RAB31: variants seen among roughly 807,000 people sequenced by gnomAD.
RAB31 encodes the protein ras-related protein Rab-31.
Under a neutral mutation model 25.6 loss-of-function variants are expected in RAB31, and 21 were observed. The ratio of observed to expected loss-of-function variants is 0.82; its 90% CI spans 0.58 to 1.18. The LOEUF (loss-of-function observed/expected upper bound fraction) is 1.18. RAB31 is among the 50% of genes most tolerant of loss of function. The pLI is 0.00. For synonymous variants in RAB31, 87 were observed against 84.0 expected, an observed-to-expected ratio of 1.04 and a Z score of -0.20; for missense variants, 196 against 250.1, an observed-to-expected ratio of 0.78 and a Z score of 1.46.
intron 2 of RAB31, among the ~76,000 whole-genome samples, chr18:9,777,372 T>C (rs2068377522): frequency 6.6e-6 from 1 of 152,154 alleles, no homozygotes; most frequent in Admixed American, 6.5e-5. Flanking sequence ...AAAATAATTC[T>C]GGTACCAAAC....
chr18:9,722,144 T>C (rs1224164698), intron 1 of RAB31, among the ~76,000 whole-genome samples: 1 of 152,032 alleles, frequency 6.6e-6, no homozygotes, highest in East Asian at 1.9e-4. Flanking sequence ...TCAGGCGCGG[T>C]CTTGCGGGCT....
intron 6 of RAB31, among the ~76,000 whole-genome samples, chr18:9,855,322 T>C (rs2068810316): frequency 1.3e-5 from 2 of 152,088 alleles, no homozygotes; most frequent in African/African-American, 4.8e-5. Flanking sequence ...AAATAAACAC[T>C]CTGGCCTCAA....
intron 1 of RAB31, chr18:9,726,208 C>T (rs1225870084): frequency 6.6e-6 from 1 of 152,220 alleles, no homozygotes; most frequent in East Asian, 1.9e-4. Context: ...TTTTTAAGCA[C>T]TATAAATTGG....
intron 2 of RAB31, among the ~76,000 whole-genome samples, chr18:9,778,225 A>G (rs2068383445): frequency 6.6e-6 from 1 of 152,142 alleles, no homozygotes; most frequent in African/African-American, 2.4e-5. Flanking sequence ...GTGCCAGCCC[A>G]GATTAAAGGG....
chr18:9,719,749 T>G (rs796625633), intron 1 of RAB31, among the ~76,000 whole-genome samples: 16 of 152,218 alleles, frequency 1.1e-4, no homozygotes, highest in African/African-American at 3.9e-4. Flanking sequence ...ATTTTCTTAT[T>G]CTCTCCACTT....
chr18:9,851,440 G>T (rs1315358467), intron 6 of RAB31, among the ~76,000 whole-genome samples: 1 of 152,144 alleles, frequency 6.6e-6, no homozygotes, highest in East Asian at 1.9e-4. Flanking sequence ...TATATACTTA[G>T]CTCATTAATG....
At chr18:9,739,371 C>T (rs1466448743) in intron 1 of RAB31, among the ~76,000 whole-genome samples, 2 of 152,088 alleles carry the variant, frequency 1.3e-5, no homozygotes, top group Non-Finnish European at 1.5e-5. Flanking sequence ...ACTCAGGAGG[C>T]TGAGGCAGGA....
At chr18:9,748,045 C>T (rs952148340) in intron 1 of RAB31, among the ~76,000 whole-genome samples, 16 of 152,190 alleles carry the variant, frequency 1.1e-4, no homozygotes, top group East Asian at 1.9e-4. Context: ...TGCACAATTT[C>T]GATGAGTTTC....
At chr18:9,725,044 C>T (rs965520093) in intron 1 of RAB31, among the ~76,000 whole-genome samples, 2 of 152,174 alleles carry the variant, frequency 1.3e-5, no homozygotes, top group African/African-American at 4.8e-5. Context: ...AGTGGCCCCT[C>T]TACCTGGGTA....
At chr18:9,781,132 A>G (rs894659857) in intron 2 of RAB31, among the ~76,000 whole-genome samples, 22 of 149,938 alleles carry the variant, frequency 1.5e-4, no homozygotes, top group African/African-American at 4.9e-4. Flanking sequence ...CGGAAAGGTT[A>G]TCTCTGTACC....
chr18:9,776,364 C>G (rs1408799723), intron 2 of RAB31, among the ~76,000 whole-genome samples: 1 of 152,078 alleles, frequency 6.6e-6, no homozygotes, highest in Admixed American at 6.6e-5. Context: ...TTTGGGAAAC[C>G]TGTAGGATTG....
chr18:9,780,011 CA>C (rs529843127), intron 2 of RAB31, among the ~76,000 whole-genome samples: 1 of 151,768 alleles, frequency 6.6e-6, no homozygotes, highest in African/African-American at 2.4e-5. Flanking sequence ...TTGGTCTCTA[CA>C]AAAAAATACA....
At chr18:9,761,543 G>A (rs963580982) in intron 1 of RAB31, among the ~76,000 whole-genome samples, 1 of 152,196 alleles carries the variant, frequency 6.6e-6, no homozygotes, top group South Asian at 2.1e-4. Context: ...AGGTCCTCGG[G>A]CTGGGGGATC....
intron 1 of RAB31, among the ~76,000 whole-genome samples, chr18:9,749,334 C>CGGAACAGAG (rs200608397): frequency 3.1e-5 from 4 of 131,000 alleles, no homozygotes; most frequent in Non-Finnish European, 3.3e-5. Flanking sequence ...CCCCATTTTA[C>CGGAACAGAG]GGAACAGAGG....
At chr18:9,835,346 C>T (rs1409234557) in intron 5 of RAB31, among the ~76,000 whole-genome samples, 1 of 151,546 alleles carries the variant, frequency 6.6e-6, no homozygotes, top group Non-Finnish European at 1.5e-5. Flanking sequence ...TCCAGTGGTT[C>T]TTTCTCTGGC....
intron 5 of RAB31, among the ~76,000 whole-genome samples, chr18:9,816,589 A>G (rs1033309264): frequency 3.9e-5 from 6 of 152,242 alleles, no homozygotes; most frequent in African/African-American, 1.2e-4. Context: ...AAATCAGAAT[A>G]CGACACATTG....
chr18:9,792,362 G>A (rs1179657230), intron 3 of RAB31, 127 bp downstream of exon 3: 3 of 1,433,492 alleles, frequency 2.1e-6, no homozygotes, highest in African/African-American at 1.4e-5. Context: ...AATGATGTAA[G>A]CAAAAAGAAA....
At chr18:9,749,470 A>C (rs991655904) in intron 1 of RAB31, among the ~76,000 whole-genome samples, 1 of 152,184 alleles carries the variant, frequency 6.6e-6, no homozygotes, top group African/African-American at 2.4e-5. Context: ...TCCTCTACAC[A>C]GTTAGTTTGT....
At chr18:9,832,341 G>C (rs2068682854) in intron 5 of RAB31, among the ~76,000 whole-genome samples, 1 of 152,188 alleles carries the variant, frequency 6.6e-6, no homozygotes, top group South Asian at 2.1e-4. Flanking sequence ...ATGAGCTTCT[G>C]AAAACAAGTG....
Sources: allele counts gnomAD v4.1 joint callset (sites outside exome capture counted in the v4.1 genomes callset), GRCh38; gene constraint gnomAD v4.1.1; transcripts MANE v1.5; gene names NCBI Gene and HGNC (gene_info 2026-07-23, HGNC 2026-07-21).